Variants in MS4A3 observed in about 807,000 individuals in gnomAD.
The protein encoded by MS4A3 is membrane-spanning 4-domains subfamily A member 3.
Under a neutral mutation model 24.7 loss-of-function variants are expected in MS4A3, and 18 were observed. The observed-to-expected ratio is 0.73, with a 90% CI of 0.50 to 1.08. MS4A3 has a LOEUF of 1.08. Ranked by LOEUF, MS4A3 falls within the 50% of genes least tolerant of loss-of-function variation. MS4A3 has a pLI of 0.00. For missense variants in MS4A3, 282 were observed against 251.7 expected (o/e 1.12, Z -0.82); for synonymous variants, 84 against 95.3 (o/e 0.88, Z 0.69).
intron 1 of MS4A3, among the ~76,000 whole-genome samples, chr11:60,057,431 G>GTC (rs1855189212): frequency 6.6e-6 from 1 of 151,970 alleles, no homozygotes; most frequent in South Asian, 2.1e-4. Flanking sequence ...GAGAGACAGA[G>GTC]TCTCGCTCTG....
chr11:60,064,470 G>GTCA, intron 4 of MS4A3, 152 bp downstream of exon 4: 1 of 345,772 alleles, frequency 2.9e-6, no homozygotes, highest in Non-Finnish European at 4.9e-6. Context: ...CAGATGGTAG[G>GTCA]TCAGCAGATC....
chr11:60,061,639 A>G (rs1026230074), intron 2 of MS4A3: 3 of 307,342 alleles, frequency 9.8e-6, no homozygotes, highest in Admixed American at 8.6e-5. Flanking sequence ...CATACAAAAT[A>G]TGTGATAATC....
At chr11:60,059,606 T>A (rs972530577) in intron 1 of MS4A3, among the ~76,000 whole-genome samples, 5 of 152,134 alleles carry the variant, frequency 3.3e-5, no homozygotes, top group African/African-American at 1.2e-4. Flanking sequence ...AGCATTTAGC[T>A]CCCACTTATA....
intron 2 of MS4A3, chr11:60,061,661 T>C (rs1855278145): frequency 3.7e-6 from 1 of 271,780 alleles, no homozygotes; most frequent in East Asian, 1.1e-4. Flanking sequence ...ACTGTTTATA[T>C]TAATAGTAAG....
intron 6 of MS4A3, 107 bp from the exon 7 acceptor site, chr11:60,070,097 C>T: frequency 1.1e-6 from 1 of 949,730 alleles, no homozygotes; most frequent in Non-Finnish European, 1.7e-6. Context: ...CAGTAAACAT[C>T]AATGAATGGA....
chr11:60,060,656 C>T (rs544983825), intron 1 of MS4A3, among the ~76,000 whole-genome samples: 93 of 151,902 alleles, frequency 6.1e-4, no homozygotes, highest in African/African-American at 2.0e-3. Context: ...ATCTGTGAAA[C>T]GGGAATAATA....
intron 5 of MS4A3, among the ~76,000 whole-genome samples, chr11:60,067,981 G>T (rs2134668362): frequency 6.6e-6 from 1 of 152,078 alleles, no homozygotes; most frequent in East Asian, 2.0e-4. Flanking sequence ...GAACCCGGGA[G>T]GCGGAGGTTG....
chr11:60,067,271 G>A (rs1186382827), intron 5 of MS4A3, among the ~76,000 whole-genome samples, 159 bp downstream of exon 5: 1 of 143,158 alleles, frequency 7.0e-6, no homozygotes, highest in African/African-American at 2.6e-5. Context: ...GGAGTACAGT[G>A]GAGTGATCTC....
chr11:60,064,815 C>G (rs1176421969), intron 4 of MS4A3, among the ~76,000 whole-genome samples: 3 of 152,156 alleles, frequency 2.0e-5, no homozygotes, highest in African/African-American at 7.2e-5. Flanking sequence ...GTCATCCTTA[C>G]TCTCTGCTGA....
chr11:60,057,721 T>A (rs183336959), intron 1 of MS4A3, among the ~76,000 whole-genome samples: 55 of 152,236 alleles, frequency 3.6e-4, no homozygotes, highest in East Asian at 5.8e-4. Flanking sequence ...CTGATTTTTT[T>A]AAAAATAAAT....
intron 2 of MS4A3, 129 bp downstream of exon 2, chr11:60,061,445 C>T (rs1197813562): frequency 1.4e-5 from 16 of 1,116,644 alleles, no homozygotes; most frequent in Non-Finnish European, 2.1e-5. Flanking sequence ...TGTTTGCCAT[C>T]CCGAGACAGC....
At chr11:60,068,083 T>C (rs1855401610) in intron 5 of MS4A3, among the ~76,000 whole-genome samples, 1 of 151,958 alleles carries the variant, frequency 6.6e-6, no homozygotes, top group Non-Finnish European at 1.5e-5. Flanking sequence ...TAAAGTTTCA[T>C]TTCATATCTC....
At position 60,061,145 on chromosome 11, in the gene MS4A3, G is replaced by T. The variant is rs777202187; in HGVS notation, c.-15-1G>T. On this transcript the variant is annotated splice_acceptor_variant, in intron 1 of 6. Transcript: ENST00000278865. LOFTEE classifies it low-confidence loss of function (5UTR_SPLICE). ...GGCTTTGGATTTCTTTTCTATCACA[G>T]CCATAAACAACCCCAATGGCCTCCC... 8 of 1,558,392 alleles carry T rather than the reference G, an allele frequency of 5.1e-6. No homozygotes were observed. Among genetic ancestry groups the T allele is most frequent in the Non-Finnish European group, 6.9e-6 (8 of 1,157,696 alleles).
intron 3 of MS4A3, among the ~76,000 whole-genome samples, chr11:60,063,855 G>C (rs973969116): frequency 6.6e-6 from 1 of 152,064 alleles, no homozygotes; most frequent in South Asian, 2.1e-4. Context: ...ATGGACTTTG[G>C]GGACTCAGGG....
chr11:60,063,571 A>T (rs1200768598), intron 3 of MS4A3, among the ~76,000 whole-genome samples: 1 of 151,946 alleles, frequency 6.6e-6, no homozygotes, highest in African/African-American at 2.4e-5. Flanking sequence ...CCTTTGTTAG[A>T]TGTATAGATT....
chr11:60,068,346 T>C (rs1041208333), intron 5 of MS4A3, among the ~76,000 whole-genome samples: 2 of 145,708 alleles, frequency 1.4e-5, no homozygotes, highest in African/African-American at 5.0e-5. Flanking sequence ...TTCACGCCAT[T>C]CTCCTGCCTC....
intron 4 of MS4A3, among the ~76,000 whole-genome samples, chr11:60,065,895 G>T (rs967297927): frequency 3.3e-5 from 5 of 152,094 alleles, no homozygotes; most frequent in Non-Finnish European, 7.4e-5. Flanking sequence ...CTTCTTCTGT[G>T]ATCTCACACA....
chr11:60,061,052 T>C, intron 1 of MS4A3, 94 bp from the exon 2 acceptor site: 1 of 1,071,462 alleles, frequency 9.3e-7, no homozygotes, highest in Non-Finnish European at 1.3e-6. Context: ...TTGTAATGTA[T>C]GGACAGAATT....
chr11:60,071,067 C>T lies in MS4A3; in HGVS notation c.*834C>T, dbSNP rs1030017789. On this transcript the variant is annotated 3_prime_UTR_variant, in exon 7 of 7. Coordinates refer to ENST00000278865, the MANE Select transcript of MS4A3 (RefSeq NM_006138.5). ...GGTGTAATAATAACAACTACTTTGT[C>T]GGTTGCTCTGAGGGTTAAATGAAAA... 2.0e-5 allele frequency: 3 copies of T among 152,256 alleles called. No individual in the cohort carries two copies. The highest frequency in any genetic ancestry group is 7.2e-5 in the African/African-American group (3 of 41,550). The allele number at this position is 152,256 out of a possible 1,614,324, so 9.4% of individuals were successfully genotyped here.
Sources: gnomAD v4.1 joint callset for allele counts (sites outside exome capture counted in the v4.1 genomes callset) on GRCh38, gnomAD v4.1.1 for gene constraint, MANE v1.5 for transcripts, NCBI Gene and HGNC (gene_info 2026-07-23, HGNC 2026-07-21) for gene names.